The following NCOA1 variants were observed in gnomAD, a reference collection of about 807,000 sequenced individuals.
NCOA1 encodes nuclear receptor coactivator 1, also known as Hin-2 protein.
In NCOA1, 35 loss-of-function variants were observed where a neutral mutation model predicts 150.9. That is an observed-to-expected ratio of 0.23 (90% CI 0.18 to 0.31). The LOEUF (loss-of-function observed/expected upper bound fraction) is 0.31. Among genes scored for constraint, NCOA1 ranks in the 10% least tolerant of loss-of-function variants. The pLI, the probability that NCOA1 is intolerant of heterozygous loss-of-function variation, is 1.00. For missense variants in NCOA1, 1,491 were observed against 1,749.3 expected, an observed-to-expected ratio of 0.85 and a Z score of 2.63; for synonymous variants, 590 against 630.0, an observed-to-expected ratio of 0.94 and a Z score of 0.95.
At chr2:24,703,251 C>G (rs1375032788) in intron 11 of NCOA1, among the ~76,000 whole-genome samples, 1 of 152,130 alleles carries the variant, frequency 6.6e-6, no homozygotes, top group Non-Finnish European at 1.5e-5. Flanking sequence ...GGCTGTTACT[C>G]TTTTCATTGA....
chr2:24,737,345 C>A (rs1385286300), intron 17 of NCOA1, among the ~76,000 whole-genome samples: 1 of 152,138 alleles, frequency 6.6e-6, no homozygotes, highest in Non-Finnish European at 1.5e-5. Context: ...AGGGTTAATT[C>A]AAGGGCAGAA....
At chr2:24,722,451 A>G (rs2148627370) in intron 14 of NCOA1, among the ~76,000 whole-genome samples, 1 of 152,336 alleles carries the variant, frequency 6.6e-6, no homozygotes, top group Admixed American at 6.5e-5. Flanking sequence ...GAAAATTTCC[A>G]GTCATGTGGA....
intron 1 of NCOA1, among the ~76,000 whole-genome samples, chr2:24,545,597 A>G (rs1665575262): frequency 6.6e-6 from 1 of 152,022 alleles, no homozygotes; most frequent in South Asian, 2.1e-4. Context: ...ACTGAGAGGA[A>G]TGGTTATTTG....
chr2:24,557,225 A>G (rs1014695226), intron 1 of NCOA1, among the ~76,000 whole-genome samples: 1 of 151,976 alleles, frequency 6.6e-6, no homozygotes, highest in Non-Finnish European at 1.5e-5. Context: ...TTTAAAAGAT[A>G]TATCTTTAAC....
intron 3 of NCOA1, among the ~76,000 whole-genome samples, chr2:24,641,717 A>G (rs761412464): frequency 5.3e-5 from 8 of 152,076 alleles, no homozygotes; most frequent in Non-Finnish European, 8.8e-5. Flanking sequence ...CCAATGAGAA[A>G]CCAGTTACCA....
chr2:24,650,276 A>C (rs1670654671), intron 4 of NCOA1, among the ~76,000 whole-genome samples: 1 of 152,140 alleles, frequency 6.6e-6, no homozygotes, highest in African/African-American at 2.4e-5. Flanking sequence ...AATTAGCTTC[A>C]AAATATCTAG....
At chr2:24,761,401 G>A (rs995155398) in intron 21 of NCOA1, among the ~76,000 whole-genome samples, 1 of 152,144 alleles carries the variant, frequency 6.6e-6, no homozygotes, top group African/African-American at 2.4e-5. Context: ...TGTTTATACA[G>A]TGTATTTTTC....
chr2:24,746,864 G>C (rs1328372988), intron 19 of NCOA1, among the ~76,000 whole-genome samples: 1 of 152,116 alleles, frequency 6.6e-6, no homozygotes, highest in African/African-American at 2.4e-5. Flanking sequence ...TAGACTCTGG[G>C]GTAGTTGATA....
intron 2 of NCOA1, among the ~76,000 whole-genome samples, chr2:24,568,609 CAGAG>C (rs1315323600): frequency 6.6e-6 from 1 of 152,166 alleles, no homozygotes; most frequent in Non-Finnish European, 1.5e-5. Flanking sequence ...GTTGCTAAGA[CAGAG>C]AGGTCCACAT....
chr2:24,642,971 A>G (rs909273194), intron 3 of NCOA1, among the ~76,000 whole-genome samples: 1 of 152,190 alleles, frequency 6.6e-6, no homozygotes, highest in Non-Finnish European at 1.5e-5. Context: ...AGGAAAGGGG[A>G]AGGTGGATGT....
intron 2 of NCOA1, among the ~76,000 whole-genome samples, chr2:24,566,724 C>T (rs1666525100): frequency 6.6e-6 from 1 of 152,240 alleles, no homozygotes; most frequent in Non-Finnish European, 1.5e-5. Context: ...TGAGGGGCAC[C>T]TGCAGGCCAG....
chr2:24,755,849 T>G (rs1664470290), intron 20 of NCOA1, among the ~76,000 whole-genome samples: 1 of 152,178 alleles, frequency 6.6e-6, no homozygotes. Flanking sequence ...TCCACATGCA[T>G]TAACTTACAT....
chr2:24,764,728 T>C (rs1375600690), intron 22 of NCOA1, among the ~76,000 whole-genome samples: 2 of 152,228 alleles, frequency 1.3e-5, no homozygotes, highest in African/African-American at 4.8e-5. Flanking sequence ...TTCAACCCTA[T>C]GGACAGAAGA....
At chr2:24,635,073 A>G (rs1669881297) in intron 3 of NCOA1, among the ~76,000 whole-genome samples, 1 of 152,114 alleles carries the variant, frequency 6.6e-6, no homozygotes, top group Non-Finnish European at 1.5e-5. Flanking sequence ...TCATGTAATA[A>G]CCATGTAATA....
chr2:24,633,704 T>C (rs1449870012), intron 3 of NCOA1, among the ~76,000 whole-genome samples: 1 of 152,186 alleles, frequency 6.6e-6, no homozygotes, highest in Non-Finnish European at 1.5e-5. Context: ...GGGAAGGATA[T>C]GGGGAAAATG....
rs548522545 is a variant in NCOA1 at position 24,659,846 on chromosome 2, A to G, written c.89+1080A>G. On this transcript the variant is annotated intron_variant, in intron 5 of 22. Coordinates refer to ENST00000348332, the MANE Select transcript of NCOA1 (RefSeq NM_003743.5). ...AGTAGCATCTTAGTTGTGACAACCA[A>G]AAATGTCTCCAAACATTGCCAAATG... is the stretch of plus-strand genomic sequence containing the variant. 2.0e-5 allele frequency among the ~76,000 whole-genome samples: 3 copies of G among 152,266 alleles called. No individual in the cohort carries two copies. In the East Asian group the frequency reaches 5.8e-4, roughly 29 times the overall value.
chr2:24,746,693 C>T (rs937658044), intron 19 of NCOA1, among the ~76,000 whole-genome samples: 2 of 152,128 alleles, frequency 1.3e-5, no homozygotes, highest in African/African-American at 4.8e-5. Flanking sequence ...AATTCATTAC[C>T]CACAGGCTAG....
chr2:24,596,449 C>G (rs1271897721), intron 3 of NCOA1, among the ~76,000 whole-genome samples: 2 of 152,066 alleles, frequency 1.3e-5, no homozygotes, highest in African/African-American at 4.8e-5. Flanking sequence ...ATGAAATTCT[C>G]AGACTACTAG....
chr2:24,558,386 C>A (rs894717502), intron 1 of NCOA1, among the ~76,000 whole-genome samples: 2 of 152,068 alleles, frequency 1.3e-5, no homozygotes, highest in African/African-American at 4.8e-5. Context: ...CTTACAGTTC[C>A]ACATGGCTGG....
Sources: allele counts gnomAD v4.1 joint callset (sites outside exome capture counted in the v4.1 genomes callset), GRCh38; gene constraint gnomAD v4.1.1; transcripts MANE v1.5; gene names NCBI Gene and HGNC (gene_info 2026-07-23, HGNC 2026-07-21).